COL4A2: variants seen among roughly 807,000 people sequenced by gnomAD.
COL4A2 encodes collagen alpha-2(IV) chain.
COL4A2 carries 99 observed loss-of-function variants against 200.2 expected under a neutral mutation model. The observed-to-expected ratio is 0.49, with a 90% confidence interval of 0.42 to 0.58. The LOEUF (loss-of-function observed/expected upper bound fraction) is 0.58, where lower values mean the gene tolerates loss of function less well. Among genes scored for constraint, COL4A2 ranks in the 20% least tolerant of loss-of-function variants. The pLI, the probability that COL4A2 is intolerant of heterozygous loss-of-function variation, is 0.00. For missense variants in COL4A2, 1,950 were observed against 2,314.1 expected (o/e 0.84, Z 3.23); for synonymous variants, 897 against 900.6 (o/e 1.00, Z 0.07).
chr13:110,401,715 C>T (rs1395900183), intron 4 of COL4A2, among the ~76,000 whole-genome samples: 3 of 152,160 alleles, frequency 2.0e-5, no homozygotes, highest in Non-Finnish European at 4.4e-5. Context: ...CTGTCTTAGT[C>T]CACTTGGGCT....
chr13:110,509,383 T>G (rs1456378749), intron 47 of COL4A2, among the ~76,000 whole-genome samples: 1 of 151,510 alleles, frequency 6.6e-6, no homozygotes, highest in East Asian at 1.9e-4. Flanking sequence ...AAGGAAAAGA[T>G]AAACAAGTAT....
chr13:110,438,755 C>T (rs1402273438), intron 15 of COL4A2, 87 bp downstream of exon 15: 12 of 1,554,494 alleles, frequency 7.7e-6, no homozygotes, highest in South Asian at 3.4e-5. Flanking sequence ...TTCAGATTCA[C>T]AGCAAAATTT....
At chr13:110,460,243 C>T (rs1881972455) in intron 22 of COL4A2, among the ~76,000 whole-genome samples, 1 of 152,164 alleles carries the variant, frequency 6.6e-6, no homozygotes, top group Non-Finnish European at 1.5e-5. Flanking sequence ...GCCATGACTC[C>T]CAACTGCTTC....
intron 36 of COL4A2, among the ~76,000 whole-genome samples, 200 bp downstream of exon 36, chr13:110,489,985 C>T (rs1883234189): frequency 6.6e-6 from 1 of 152,204 alleles, no homozygotes; most frequent in African/African-American, 2.4e-5. Flanking sequence ...AAGTCTTTCT[C>T]TCTCTCTGTC....
At chr13:110,428,672 T>G (rs1880561936) in intron 7 of COL4A2, 89 bp downstream of exon 7, 1 of 680,478 alleles carries the variant, frequency 1.5e-6, no homozygotes, top group African/African-American at 1.9e-5. Flanking sequence ...TCCCGCTCAC[T>G]GTGGCCAGAA....
intron 4 of COL4A2, among the ~76,000 whole-genome samples, chr13:110,423,353 A>G (rs1267035493): frequency 6.6e-6 from 1 of 152,060 alleles, no homozygotes; most frequent in Non-Finnish European, 1.5e-5. Flanking sequence ...TATTAGAAAT[A>G]TGCATATGTC....
chr13:110,430,469 C>T, intron 9 of COL4A2, 33 bp downstream of exon 9: 5 of 1,614,086 alleles, frequency 3.1e-6, no homozygotes, highest in Non-Finnish European at 4.2e-6. Context: ...ATATTCCAAA[C>T]AAAAGTTTAA....
intron 33 of COL4A2, 46 bp downstream of exon 33, chr13:110,485,073 C>G: frequency 6.7e-7 from 1 of 1,485,202 alleles, no homozygotes; most frequent in Non-Finnish European, 9.1e-7. Context: ...CCCTGCCGCC[C>G]CAGCCCGCAC....
intron 3 of COL4A2, among the ~76,000 whole-genome samples, chr13:110,311,647 GACTTCCCCTCGGCT>G (rs1884986045): frequency 6.6e-6 from 1 of 152,186 alleles, no homozygotes; most frequent in African/African-American, 2.4e-5. Context: ...CTGTTTAAGG[GACTTCCCCTCGGCT>G]GCCTATTCTA....
At chr13:110,358,353 A>G (rs1482000366) in intron 4 of COL4A2, among the ~76,000 whole-genome samples, 1 of 152,162 alleles carries the variant, frequency 6.6e-6, no homozygotes, top group African/African-American at 2.4e-5. Context: ...AATAACACGC[A>G]TGGAGCCGTC....
intron 4 of COL4A2, among the ~76,000 whole-genome samples, chr13:110,365,684 C>T (rs901625869): frequency 6.6e-6 from 1 of 152,218 alleles, no homozygotes; most frequent in African/African-American, 2.4e-5. Flanking sequence ...CAAGAGTCAC[C>T]CTGGCCCCAT....
chr13:110,430,202 T>C (rs1880624557), intron 8 of COL4A2, 199 bp from the exon 9 acceptor site: 2 of 687,420 alleles, frequency 2.9e-6, no homozygotes, highest in South Asian at 8.6e-5. Context: ...GTAGTTAATA[T>C]TAGTAAATAT....
At chr13:110,320,292 A>AC (rs1885244187) in intron 3 of COL4A2, among the ~76,000 whole-genome samples, 1 of 151,462 alleles carries the variant, frequency 6.6e-6, no homozygotes, top group Non-Finnish European at 1.5e-5. Context: ...CCCTACGGCG[A>AC]CCCCCTGCCG....
intron 3 of COL4A2, among the ~76,000 whole-genome samples, chr13:110,318,697 C>G (rs1045316842): frequency 6.6e-6 from 1 of 152,160 alleles, no homozygotes; most frequent in Non-Finnish European, 1.5e-5. Flanking sequence ...ACCTTATGCA[C>G]GTGCCCAGAG....
Position 110,465,753 on chromosome 13 carries a change from G to C in COL4A2, c.1978+147G>C, listed in dbSNP as rs906414240. On this transcript the variant is annotated intron_variant, in intron 25 of 47. Coordinates refer to ENST00000360467, the MANE Select transcript of COL4A2 (RefSeq NM_001846.4). ...CACGTACAAGGGATGACCCAACTGTGAGGTTTCTGAGCCCCCACCAGCCTC... is the reference window on the plus strand; with the variant it reads ...CACGTACAAGGGATGACCCAACTGTCAGGTTTCTGAGCCCCCACCAGCCTC... 11 of 870,856 alleles carry C rather than the reference G, an allele frequency of 1.3e-5. No individual in the cohort carries two copies. The African/African-American group carries it at 1.7e-4, about 13-fold the overall frequency. 53.9% of individuals were successfully genotyped at this position (870,856 alleles called of 1,614,324 possible).
chr13:110,438,507 A>G lies in COL4A2; in HGVS notation c.862-111A>G, dbSNP rs7983487. ...TTGAGCATCGCCAGGCGGTCTGGAC[A>G]CCATCGGGGCTGAGAACACAGAGTC... On this transcript the variant is annotated intron_variant, in intron 14 of 47. Transcript: ENST00000360467. 436,869 of 1,399,656 alleles carry G rather than the reference A, an allele frequency of 0.31. 72,539 individuals carry two copies. The highest frequency in any genetic ancestry group is 0.54 in the African/African-American group (37,965 of 70,542). The allele number at this position is 1,399,656 out of a possible 1,614,324, so 86.7% of individuals were successfully genotyped here.
intron 16 of COL4A2, among the ~76,000 whole-genome samples, chr13:110,443,865 T>G (rs1425551139): frequency 6.6e-6 from 1 of 152,196 alleles, no homozygotes; most frequent in East Asian, 1.9e-4. Context: ...CCGACCCTGT[T>G]GTGTTTGCCA....
Position 110,365,949 on chromosome 13 carries a change from ATTAAAAACC to A in COL4A2, c.180+8399_180+8407del, listed in dbSNP as rs544743864. On this transcript the variant is annotated intron_variant, in intron 4 of 47. Coordinates refer to ENST00000360467, the MANE Select transcript of COL4A2 (RefSeq NM_001846.4). ...ATAATAATAGCCATTTCATGTCTTGATTAAAAACCTCACACAGACTCCACAGAACTGTTG... is the reference window on the plus strand; with the variant it reads ...ATAATAATAGCCATTTCATGTCTTGATCACACAGACTCCACAGAACTGTTG... Among the ~76,000 whole-genome samples the A allele has an allele frequency of 2.6e-5, 4 of 152,314 alleles. No homozygotes were observed. In the East Asian group the frequency reaches 7.7e-4, roughly 29 times the overall value.
chr13:110,491,373 A>C, intron 37 of COL4A2, 33 bp downstream of exon 37: 1 of 1,434,872 alleles, frequency 7.0e-7, no homozygotes, highest in Non-Finnish European at 9.6e-7. Flanking sequence ...AGCCTTCCTC[A>C]GGCAGGCCCT....
Sources: allele counts gnomAD v4.1 joint callset (sites outside exome capture counted in the v4.1 genomes callset), GRCh38; gene constraint gnomAD v4.1.1; transcripts MANE v1.5; gene names NCBI Gene and HGNC (gene_info 2026-07-23, HGNC 2026-07-21).